CSMD1: variants seen among roughly 807,000 people sequenced by gnomAD.
CSMD1 encodes CUB and sushi domain-containing protein 1.
CSMD1 carries 213 observed loss-of-function variants against 417.5 expected under a neutral mutation model. The observed-to-expected ratio is 0.51, with a 90% confidence interval of 0.46 to 0.57. CSMD1 has a LOEUF of 0.57. CSMD1 is among the 20% of genes least tolerant of loss of function. The pLI is 0.00. For missense variants in CSMD1, 6,923 were observed against 4,529.7 expected (o/e 1.53, Z -15.17); for synonymous variants, 2,862 against 1,736.8 (o/e 1.65, Z -16.11).
At chr8:3,900,109 G>A (rs769447427) in intron 5 of CSMD1, among the ~76,000 whole-genome samples, 3 of 150,988 alleles carry the variant, frequency 2.0e-5, no homozygotes, top group Non-Finnish European at 3.0e-5. Flanking sequence ...CAGCTGGTTG[G>A]CACTGTAGCT....
At chr8:4,147,031 G>C (rs138562882) in intron 3 of CSMD1, among the ~76,000 whole-genome samples, 1 of 151,848 alleles carries the variant, frequency 6.6e-6, no homozygotes, top group Non-Finnish European at 1.5e-5. Context: ...TCAGAGATCG[G>C]GGGTTTTCTG....
At chr8:4,089,733 T>C (rs753111629) in intron 3 of CSMD1, among the ~76,000 whole-genome samples, 43 of 152,192 alleles carry the variant, frequency 2.8e-4, no homozygotes, top group Admixed American at 5.2e-4. Context: ...TTAATTATTA[T>C]TGACACAACA....
intron 5 of CSMD1, among the ~76,000 whole-genome samples, chr8:3,867,936 C>T (rs1805220189): frequency 6.6e-6 from 1 of 152,068 alleles, no homozygotes; most frequent in South Asian, 2.1e-4. Context: ...ACCCTTACAG[C>T]CAATCTTTGT....
intron 3 of CSMD1, among the ~76,000 whole-genome samples, chr8:4,178,739 G>A (rs1447215800): frequency 6.6e-6 from 1 of 152,046 alleles, no homozygotes; most frequent in Non-Finnish European, 1.5e-5. Context: ...AAAGTCTCAG[G>A]ATACAAAATC....
intron 3 of CSMD1, among the ~76,000 whole-genome samples, chr8:4,069,363 G>C (rs1585245904): frequency 1.3e-5 from 2 of 152,252 alleles, no homozygotes; most frequent in South Asian, 2.1e-4. Flanking sequence ...TGAACCACTG[G>C]TGATTTTTAC....
chr8:4,970,893 G>A lies in CSMD1; in HGVS notation c.85+23439C>T, dbSNP rs554580716. Among the ~76,000 whole-genome samples, 69 of 152,134 alleles carry A rather than the reference G, an allele frequency of 4.5e-4. 3 individuals carry two copies. The South Asian group carries it at 0.011, about 25-fold the overall frequency. On this transcript the variant is annotated intron_variant, in intron 1 of 69. Transcript: ENST00000635120. Reference sequence around the variant, plus strand: ...TATTTTATTAAGAAAGGAAAGTAACGAAGTGCTTTTTATGTAATAAAGGTT... The same window carrying A: ...TATTTTATTAAGAAAGGAAAGTAACAAAGTGCTTTTTATGTAATAAAGGTT...
At chr8:3,813,508 G>C (rs549505522) in intron 5 of CSMD1, among the ~76,000 whole-genome samples, 2 of 152,110 alleles carry the variant, frequency 1.3e-5, no homozygotes, top group East Asian at 1.9e-4. Context: ...AGAAGGGCTG[G>C]CGTGAATATG....
chr8:3,399,013 G>A (rs924760699), intron 16 of CSMD1, among the ~76,000 whole-genome samples: 2 of 152,152 alleles, frequency 1.3e-5, no homozygotes, highest in African/African-American at 2.4e-5. Flanking sequence ...GAACAGGAGA[G>A]CTGATTTCCT....
intron 16 of CSMD1, among the ~76,000 whole-genome samples, chr8:3,398,510 T>C (rs975045728): frequency 5.3e-5 from 8 of 152,334 alleles, no homozygotes; most frequent in South Asian, 2.1e-4. Flanking sequence ...GATGTTAGCA[T>C]TGATCATTTG....
At chr8:4,177,024 G>A (rs1798085811) in intron 3 of CSMD1, among the ~76,000 whole-genome samples, 1 of 152,006 alleles carries the variant, frequency 6.6e-6, no homozygotes, top group Admixed American at 6.6e-5. Context: ...ATATCAACGA[G>A]ACAGAAAGTC....
chr8:4,972,415 T>C (rs1584937782), intron 1 of CSMD1, among the ~76,000 whole-genome samples: 1 of 152,294 alleles, frequency 6.6e-6, no homozygotes, highest in Admixed American at 6.5e-5. Context: ...AAGTGAATTC[T>C]CATGAGATTT....
chr8:4,124,480 C>A (rs1269210073), intron 3 of CSMD1, among the ~76,000 whole-genome samples: 1 of 152,136 alleles, frequency 6.6e-6, no homozygotes, highest in East Asian at 1.9e-4. Context: ...CTTCTCTCCA[C>A]GGGGTGAAAT....
intron 2 of CSMD1, among the ~76,000 whole-genome samples, chr8:4,555,724 C>T (rs1281095734): frequency 6.6e-6 from 1 of 152,142 alleles, no homozygotes; most frequent in African/African-American, 2.4e-5. Flanking sequence ...AGCCTGCACC[C>T]TTTCAGGGAA....
chr8:3,000,465 A>C (rs954376234), intron 52 of CSMD1, among the ~76,000 whole-genome samples: 6 of 152,170 alleles, frequency 3.9e-5, no homozygotes, highest in Non-Finnish European at 8.8e-5. Flanking sequence ...CAAAAAGTAA[A>C]GAAGGAATTC....
chr8:4,091,582 A>T (rs1434810231), intron 3 of CSMD1, among the ~76,000 whole-genome samples: 1 of 152,194 alleles, frequency 6.6e-6, no homozygotes, highest in Non-Finnish European at 1.5e-5. Context: ...CCTCAGTATT[A>T]TAATTGTAGG....
intron 7 of CSMD1, among the ~76,000 whole-genome samples, chr8:3,687,050 T>C (rs1042409716): frequency 6.6e-6 from 1 of 152,184 alleles, no homozygotes; most frequent in Admixed American, 6.5e-5. Flanking sequence ...AAAAAAATTA[T>C]GAGGATGTGA....
Position 3,038,987 on chromosome 8 carries a change from T to C in CSMD1, c.7661-9474A>G, listed in dbSNP as rs543674981. 4.6e-5 allele frequency among the ~76,000 whole-genome samples: 7 copies of C among 152,248 alleles called. No individual in the cohort carries two copies. The South Asian group carries it at 1.0e-3, about 23-fold the overall frequency. On this transcript the variant is annotated intron_variant, in intron 50 of 69. Coordinates refer to ENST00000635120, the MANE Select transcript of CSMD1 (RefSeq NM_033225.6). ...AAACTGATAAGAAATTCTACAAGAA[T>C]AGATGGCGACAAGCAGACTAGGTCA...
chr8:3,421,802 T>C (rs1813504073), intron 12 of CSMD1, among the ~76,000 whole-genome samples: 1 of 152,136 alleles, frequency 6.6e-6, no homozygotes, highest in Non-Finnish European at 1.5e-5. Flanking sequence ...CATGCCCAGG[T>C]AATTCTTGTA....
chr8:3,651,913 T>C (rs1393914009), intron 7 of CSMD1, among the ~76,000 whole-genome samples: 8 of 141,384 alleles, frequency 5.7e-5, no homozygotes, highest in African/African-American at 1.3e-4. Flanking sequence ...GTGCTTACCA[T>C]CATCAGAGCA....
Sources: gnomAD v4.1 joint callset for allele counts (sites outside exome capture counted in the v4.1 genomes callset) on GRCh38, gnomAD v4.1.1 for gene constraint, MANE v1.5 for transcripts, NCBI Gene and HGNC (gene_info 2026-07-23, HGNC 2026-07-21) for gene names.